Variants in B3GALT1 observed in about 807,000 individuals in gnomAD.
The protein encoded by B3GALT1 is beta-1,3-galactosyltransferase 1, also known as UDP-Gal:betaGlcNAc beta 1,3-galactosyltransferase, polypeptide 1.
Under a neutral mutation model 23.2 loss-of-function variants are expected in B3GALT1, and 10 were observed. That is an observed-to-expected ratio of 0.43 (90% confidence interval 0.27 to 0.73). B3GALT1 has a LOEUF of 0.73. Among genes scored for constraint, B3GALT1 ranks in the 30% least tolerant of loss-of-function variants. B3GALT1 has a pLI of 0.21. For missense variants in B3GALT1, 299 were observed against 405.4 expected (o/e 0.74, Z 2.25); for synonymous variants, 156 against 141.5 (o/e 1.10, Z -0.73).
At chr2:167,804,324 CTT>C (rs58504746) in intron 3 of B3GALT1, among the ~76,000 whole-genome samples, 4,957 of 147,864 alleles carry the variant, frequency 0.034, 115 homozygotes, top group South Asian at 0.07. Context: ...TTGTTTTTTT[CTT>C]TTTTTTTTTA....
intron 2 of B3GALT1, among the ~76,000 whole-genome samples, chr2:167,564,402 C>A (rs1408652565): frequency 1.3e-5 from 2 of 151,886 alleles, no homozygotes; most frequent in African/African-American, 4.8e-5. Context: ...CAGAGGGGCT[C>A]CCCACATCCC....
chr2:167,563,252 A>G (rs79146122), intron 2 of B3GALT1, among the ~76,000 whole-genome samples: 65,574 of 126,412 alleles, frequency 0.52, 20,430 homozygotes, highest in East Asian at 0.98. Context: ...CCCACCTCCC[A>G]GACGGGGCGG....
intron 1 of B3GALT1, among the ~76,000 whole-genome samples, chr2:167,406,311 A>G (rs1161229681): frequency 6.6e-6 from 1 of 152,164 alleles, no homozygotes; most frequent in Non-Finnish European, 1.5e-5. Context: ...TATAGAAGCA[A>G]GCTTCATTCA....
intron 3 of B3GALT1, among the ~76,000 whole-genome samples, chr2:167,682,377 G>A (rs529092035): frequency 3.9e-5 from 6 of 152,004 alleles, no homozygotes; most frequent in East Asian, 1.9e-4. Context: ...CTCTCATCTC[G>A]TAATTTCTGC....
At chr2:167,657,603 CTAAT>C (rs1558939147) in intron 3 of B3GALT1, among the ~76,000 whole-genome samples, 1 of 152,026 alleles carries the variant, frequency 6.6e-6, no homozygotes, top group Non-Finnish European at 1.5e-5. Context: ...GGACAAACAT[CTAAT>C]TATTCACTTA....
chr2:167,435,740 T>G (rs1411834920), intron 1 of B3GALT1, among the ~76,000 whole-genome samples: 5 of 152,144 alleles, frequency 3.3e-5, no homozygotes, highest in African/African-American at 4.8e-5. Context: ...AATTTTGAGT[T>G]TAGTTTCATT....
chr2:167,673,890 A>G (rs555038354), intron 3 of B3GALT1, among the ~76,000 whole-genome samples: 14 of 152,166 alleles, frequency 9.2e-5, no homozygotes, highest in African/African-American at 3.4e-4. Flanking sequence ...CCTTCCTTAC[A>G]TTGCTGAACA....
At chr2:167,308,407 A>T (rs148249724) in intron 1 of B3GALT1, among the ~76,000 whole-genome samples, 1 of 152,132 alleles carries the variant, frequency 6.6e-6, no homozygotes, top group East Asian at 1.9e-4. Flanking sequence ...TCTTTCTTAG[A>T]CATCGACTGT....
At chr2:167,483,068 C>T (rs1031468515) in intron 1 of B3GALT1, among the ~76,000 whole-genome samples, 1 of 151,948 alleles carries the variant, frequency 6.6e-6, no homozygotes, top group Non-Finnish European at 1.5e-5. Flanking sequence ...TGGAGGCAGG[C>T]AGATCACCTG....
rs547557920 is a variant in B3GALT1 at position 167,637,713 on chromosome 2, T to C, written c.-409-9196T>C. On this transcript the variant is annotated intron_variant, in intron 2 of 4. Transcript: ENST00000392690. ...CCATTCCACCCTCTGCCTTATATGA[T>C]CAATTTTTTCAGCTTCCACATACAA... Among the ~76,000 whole-genome samples the C allele has an allele frequency of 5.9e-5, 9 of 152,180 alleles. No homozygotes were observed. In the East Asian group the frequency reaches 1.4e-3, roughly 23 times the overall value.
At chr2:167,820,081 T>C (rs1366105410) in intron 4 of B3GALT1, among the ~76,000 whole-genome samples, 3 of 152,076 alleles carry the variant, frequency 2.0e-5, no homozygotes, top group Non-Finnish European at 4.4e-5. Context: ...TCAAGACAAA[T>C]ATACTGAGTA....
chr2:167,645,965 A>G (rs897347782), intron 2 of B3GALT1, among the ~76,000 whole-genome samples: 11 of 152,132 alleles, frequency 7.2e-5, no homozygotes, highest in South Asian at 2.1e-4. Flanking sequence ...TTCAAAAGCT[A>G]TAAATGGAAA....
intron 3 of B3GALT1, among the ~76,000 whole-genome samples, chr2:167,816,195 A>T (rs1364648830): frequency 6.6e-6 from 1 of 152,212 alleles, no homozygotes; most frequent in African/African-American, 2.4e-5. Context: ...AAGCAGAGAA[A>T]ATTTGCATGT....
At chr2:167,584,405 C>T (rs564933008) in intron 2 of B3GALT1, among the ~76,000 whole-genome samples, 5 of 152,294 alleles carry the variant, frequency 3.3e-5, no homozygotes, top group Admixed American at 1.3e-4. Context: ...GAAAACCCTA[C>T]GTTTTTCCTA....
chr2:167,702,832 CAAGAA>C (rs1337211653), intron 3 of B3GALT1, among the ~76,000 whole-genome samples: 1 of 152,158 alleles, frequency 6.6e-6, no homozygotes, highest in East Asian at 1.9e-4. Flanking sequence ...TTTATAATGA[CAAGAA>C]AAGCTACAAA....
intron 1 of B3GALT1, among the ~76,000 whole-genome samples, chr2:167,293,566 A>C (rs1433143749): frequency 6.6e-6 from 1 of 152,082 alleles, no homozygotes; most frequent in African/African-American, 2.4e-5. Context: ...GTGAGTGTGG[A>C]TGTGGATGCG....
At chr2:167,307,050 T>G (rs1696562724) in intron 1 of B3GALT1, among the ~76,000 whole-genome samples, 1 of 151,974 alleles carries the variant, frequency 6.6e-6, no homozygotes, top group Admixed American at 6.6e-5. Context: ...TTCATTGAAA[T>G]AAATTTAGGG....
intron 1 of B3GALT1, among the ~76,000 whole-genome samples, chr2:167,404,229 G>C (rs1698239610): frequency 6.6e-6 from 1 of 152,068 alleles, no homozygotes; most frequent in African/African-American, 2.4e-5. Context: ...AACTAATAGA[G>C]CAAGGACTGA....
At chr2:167,513,580 G>A (rs1340195099) in intron 2 of B3GALT1, among the ~76,000 whole-genome samples, 1 of 152,134 alleles carries the variant, frequency 6.6e-6, no homozygotes, top group Non-Finnish European at 1.5e-5. Context: ...TTGAAAAGAA[G>A]TGAAATGTCT....
Sources: allele counts gnomAD v4.1 joint callset (sites outside exome capture counted in the v4.1 genomes callset), GRCh38; gene constraint gnomAD v4.1.1; transcripts MANE v1.5; gene names NCBI Gene and HGNC (gene_info 2026-07-23, HGNC 2026-07-21).